PPFIA2: variants seen among roughly 807,000 people sequenced by gnomAD.
PPFIA2 encodes the protein PPFI scaffold protein A2, also known as liprin-alpha-2.
In PPFIA2, 46 loss-of-function variants were observed where a neutral mutation model predicts 175.5. That is an observed-to-expected ratio of 0.26 (90% CI 0.21 to 0.34). The LOEUF (loss-of-function observed/expected upper bound fraction) is 0.34, where lower values mean the gene tolerates loss of function less well. Among genes scored for constraint, PPFIA2 ranks in the 10% least tolerant of loss-of-function variants. The probability of loss-of-function intolerance (pLI) is 1.00; values close to 1 mark genes in which losing one functional copy is unlikely to be tolerated. For synonymous variants in PPFIA2, 568 were observed against 511.4 expected, an observed-to-expected ratio of 1.11 and a Z score of -1.49; for missense variants, 1,179 against 1,506.1, an observed-to-expected ratio of 0.78 and a Z score of 3.60.
intron 8 of PPFIA2, among the ~76,000 whole-genome samples, chr12:81,387,278 TAA>T (rs2039188000): frequency 6.6e-6 from 1 of 152,188 alleles, no homozygotes; most frequent in Non-Finnish European, 1.5e-5. Flanking sequence ...GTGACACTGA[TAA>T]AGTTTTTAGT....
chr12:81,675,572 G>A (rs2072345666), intron 4 of PPFIA2: 2 of 151,978 alleles, frequency 1.3e-5, no homozygotes, highest in South Asian at 2.1e-4. Flanking sequence ...ATTCTTCCAG[G>A]AATCAGTGAA....
In PPFIA2 at chr12:81,268,061, C is replaced by T. The variant is rs1178201975; in HGVS notation, c.3337G>A (p.Val1113Ile). The T allele has an allele frequency of 1.3e-6, 2 of 1,597,900 alleles. No individual in the cohort carries two copies. The highest frequency in any genetic ancestry group is 1.7e-6 in the Non-Finnish European group (2 of 1,171,412). ...CCAATTGCTTGTATCCAGCGAATAA[C>T]TCGGTCATTGCTCCACACCAACACG... is the stretch of plus-strand genomic sequence containing the variant. Reference protein sequence around the residue: ...KDVLVWSNDRVIRWIQAIGLR... With the variant: ...KDVLVWSNDRIIRWIQAIGLR... Residue 1113 changes from valine to isoleucine, a missense_variant, in exon 29 of 33, where the codon GTT becomes ATT. Coordinates refer to ENST00000549396, the MANE Select transcript of PPFIA2 (RefSeq NM_003625.5).
chr12:81,578,710 C>T (rs934961434), intron 4 of PPFIA2, among the ~76,000 whole-genome samples: 6 of 151,670 alleles, frequency 4.0e-5, no homozygotes, highest in African/African-American at 9.7e-5. Flanking sequence ...ATAGTGAGAG[C>T]GTAGTTAAAT....
At chr12:81,596,360 A>C (rs185551777) in intron 4 of PPFIA2, among the ~76,000 whole-genome samples, 1 of 152,202 alleles carries the variant, frequency 6.6e-6, no homozygotes, top group East Asian at 1.9e-4. Flanking sequence ...TTAAACACAT[A>C]TTGTCTGTTA....
At chr12:81,548,187 T>C (rs1352656329) in intron 4 of PPFIA2, among the ~76,000 whole-genome samples, 1 of 152,160 alleles carries the variant, frequency 6.6e-6, no homozygotes, top group Non-Finnish European at 1.5e-5. Context: ...ATTCGTTGAC[T>C]CCAAAGGCTA....
chr12:81,724,950 T>C (rs758507756), intron 3 of PPFIA2, among the ~76,000 whole-genome samples: 3 of 151,058 alleles, frequency 2.0e-5, no homozygotes, highest in African/African-American at 7.3e-5. Context: ...CCATGAACAG[T>C]GTATAATAGG....
At chr12:81,537,833 A>G (rs2153324582) in intron 4 of PPFIA2, among the ~76,000 whole-genome samples, 1 of 151,934 alleles carries the variant, frequency 6.6e-6, no homozygotes, top group South Asian at 2.1e-4. Context: ...GGAGAAGAGA[A>G]CTGGCTGGCT....
In PPFIA2 at chr12:81,483,342, G is replaced by T. The variant is rs2058460847; in HGVS notation, c.304-25476C>A. ...ACTAATGAATGGATAAATAAAATTT[G>T]TACAGCCATGCAGTGGAATATTAAT... On this transcript the variant is annotated intron_variant, in intron 4 of 32. Coordinates refer to ENST00000549396, the MANE Select transcript of PPFIA2 (RefSeq NM_003625.5). 2.0e-5 allele frequency among the ~76,000 whole-genome samples: 3 copies of T among 152,156 alleles called. No homozygotes were observed. In the South Asian group the frequency reaches 6.2e-4, roughly 32 times the overall value.
At chr12:81,455,933 G>C (rs182175695) in intron 5 of PPFIA2, among the ~76,000 whole-genome samples, 2 of 152,248 alleles carry the variant, frequency 1.3e-5, no homozygotes, top group Admixed American at 1.3e-4. Context: ...ATCTCCAGAG[G>C]GGTGTAGAAA....
intron 4 of PPFIA2, among the ~76,000 whole-genome samples, chr12:81,582,831 T>C (rs2074615074): frequency 6.6e-6 from 1 of 151,910 alleles, no homozygotes; most frequent in Non-Finnish European, 1.5e-5. Flanking sequence ...GAATCATCAT[T>C]GAATAAAATA....
At chr12:81,295,142 C>A in intron 23 of PPFIA2, 107 bp from the exon 24 acceptor site, 1 of 977,466 alleles carries the variant, frequency 1.0e-6, no homozygotes. Flanking sequence ...GACCTCACCC[C>A]ACGAGATAAA....
chr12:81,464,103 G>T (rs1469280920), intron 4 of PPFIA2, among the ~76,000 whole-genome samples: 1 of 151,916 alleles, frequency 6.6e-6, no homozygotes, highest in Non-Finnish European at 1.5e-5. Flanking sequence ...TTTAAAAAAG[G>T]ACAGGGGTCT....
At chr12:81,630,528 A>T (rs1344723478) in intron 4 of PPFIA2, among the ~76,000 whole-genome samples, 1 of 152,182 alleles carries the variant, frequency 6.6e-6, no homozygotes, top group Non-Finnish European at 1.5e-5. Flanking sequence ...AAAAGGACAA[A>T]TATCTCCTAT....
intron 7 of PPFIA2, among the ~76,000 whole-genome samples, chr12:81,408,281 AT>A (rs1435771565): frequency 6.6e-6 from 1 of 152,156 alleles, no homozygotes; most frequent in Non-Finnish European, 1.5e-5. Context: ...GATACATGAG[AT>A]TTTATGAATT....
rs563412016 is a variant in PPFIA2, at chr12:81,291,017, T to C, written c.2925+3818A>G. On this transcript the variant is annotated intron_variant, in intron 24 of 32. Coordinates refer to ENST00000549396, the MANE Select transcript of PPFIA2 (RefSeq NM_003625.5). ...AATGAAGAAAATGCTTACACTACAT[T>C]ACTAAATTTACAAAAAAGTACAAAT... Among the ~76,000 whole-genome samples the C allele has an allele frequency of 1.8e-4, 28 of 151,882 alleles. No individual in the cohort carries two copies. In the South Asian group the frequency reaches 5.4e-3, roughly 29 times the overall value.
chr12:81,468,148 G>C (rs1165255458), intron 4 of PPFIA2, among the ~76,000 whole-genome samples: 1 of 152,164 alleles, frequency 6.6e-6, no homozygotes, highest in African/African-American at 2.4e-5. Context: ...AAAGAAGAGA[G>C]AGGGAGGTCA....
At chr12:81,449,969 T>C (rs1335151757) in intron 5 of PPFIA2, among the ~76,000 whole-genome samples, 1 of 152,096 alleles carries the variant, frequency 6.6e-6, no homozygotes, top group Non-Finnish European at 1.5e-5. Flanking sequence ...GGACATGGAC[T>C]CATCCTTTTT....
chr12:81,716,730 G>A (rs2078677444), intron 3 of PPFIA2, among the ~76,000 whole-genome samples: 1 of 151,702 alleles, frequency 6.6e-6, no homozygotes, highest in Non-Finnish European at 1.5e-5. Context: ...GGAAGCTTTT[G>A]TTACATTTTC....
chr12:81,638,002 A>G (rs1197000241), intron 4 of PPFIA2, among the ~76,000 whole-genome samples: 1 of 135,340 alleles, frequency 7.4e-6, no homozygotes, highest in African/African-American at 2.7e-5. Context: ...CAGTCACAGA[A>G]GAAGAAAACT....
Sources: gnomAD v4.1 joint callset for allele counts (sites outside exome capture counted in the v4.1 genomes callset) on GRCh38, gnomAD v4.1.1 for gene constraint, MANE v1.5 for transcripts, NCBI Gene and HGNC (gene_info 2026-07-23, HGNC 2026-07-21) for gene names.